PEAK1: variants seen among roughly 807,000 people sequenced by gnomAD.
PEAK1 encodes the protein inactive tyrosine-protein kinase PEAK1.
Under a neutral mutation model 124.7 loss-of-function variants are expected in PEAK1, and 54 were observed. That is an observed-to-expected ratio of 0.43 (90% CI 0.35 to 0.54). The LOEUF (loss-of-function observed/expected upper bound fraction) is 0.54, where lower values mean the gene tolerates loss of function less well. Ranked by LOEUF, PEAK1 falls within the 20% of genes least tolerant of loss-of-function variation. The pLI is 0.01. For missense variants in PEAK1, 2,046 were observed against 2,134.5 expected, an observed-to-expected ratio of 0.96 and a Z score of 0.82; for synonymous variants, 719 against 760.0, an observed-to-expected ratio of 0.95 and a Z score of 0.89.
At chr15:77,415,171 T>G (rs2072769088) in intron 1 of PEAK1, among the ~76,000 whole-genome samples, 1 of 152,246 alleles carries the variant, frequency 6.6e-6, no homozygotes. Flanking sequence ...GCTACAAATG[T>G]GAGGTCTACA....
At chr15:77,126,833 A>T (rs1281771800) in intron 9 of PEAK1, among the ~76,000 whole-genome samples, 1 of 152,240 alleles carries the variant, frequency 6.6e-6, no homozygotes, top group Admixed American at 6.5e-5. Flanking sequence ...TAATAAAGCT[A>T]ATCATGTTGA....
Position 77,112,373 on chromosome 15 carries a change from T to C in PEAK1, c.*1783A>G, listed in dbSNP as rs1489334440. ...AATTTCCAAGGCCACTAATGTGCTA[T>C]GTAAGTAATACTGCACAGTCAGTCT... On this transcript the variant is annotated 3_prime_UTR_variant, in exon 10 of 10. Coordinates refer to ENST00000682557, the MANE Select transcript of PEAK1 (RefSeq NM_001385026.1). 6.6e-6 allele frequency: 1 copy of C among 152,246 alleles called. No individual in the cohort carries two copies. The highest frequency in any genetic ancestry group is 2.4e-5 in the African/African-American group (1 of 41,472). The allele number at this position is 152,246 out of a possible 1,614,324, so 9.4% of individuals were successfully genotyped here.
chr15:77,115,408 A>C (rs775917954), intron 9 of PEAK1, 89 bp from the exon 10 acceptor site: 1 of 1,213,046 alleles, frequency 8.2e-7, no homozygotes, highest in Non-Finnish European at 1.2e-6. Context: ...GTGACTGGTT[A>C]GGGACAAACG....
chr15:77,162,705 T>C (rs1052950007), intron 7 of PEAK1, among the ~76,000 whole-genome samples: 39 of 152,158 alleles, frequency 2.6e-4, no homozygotes, highest in Admixed American at 1.3e-4. Flanking sequence ...TGTTTCTCTA[T>C]TGCTTTGATT....
intron 8 of PEAK1, among the ~76,000 whole-genome samples, chr15:77,153,312 A>C (rs1288601251): frequency 2.6e-5 from 4 of 152,130 alleles, no homozygotes; most frequent in Non-Finnish European, 5.9e-5. Context: ...GGTAGTTTGC[A>C]TTTCTGTGGG....
chr15:77,179,195 G>C lies in PEAK1; in HGVS notation c.2732C>G (p.Ser911Cys), dbSNP rs2057079221. The change falls in exon 7 of 10, where the codon TCT (serine) becomes TGT (cysteine). Residue 911 changes from serine (S) to cysteine (C), a missense_variant. Transcript: ENST00000682557. Reference sequence around the variant, plus strand: ...ATCAGCTGCCCGCCTGCTGCCTTCAGAGTGCAAAACTGATTCAGCTTCTGT... The same window carrying C: ...ATCAGCTGCCCGCCTGCTGCCTTCACAGTGCAAAACTGATTCAGCTTCTGT... ...RSTEAESVLH[S>C]EGSRRAADAK... 4 of 1,614,180 alleles carry C rather than the reference G, an allele frequency of 2.5e-6. No individual in the cohort carries two copies. The highest frequency in any genetic ancestry group is 3.4e-6 in the Non-Finnish European group (4 of 1,180,042).
chr15:77,397,114 T>A (rs901125170), intron 1 of PEAK1, among the ~76,000 whole-genome samples: 1 of 152,190 alleles, frequency 6.6e-6, no homozygotes, highest in African/African-American at 2.4e-5. Flanking sequence ...AAGTATCTTA[T>A]CTGACCACAA....
At chr15:77,272,772 C>T (rs558099300) in intron 5 of PEAK1, among the ~76,000 whole-genome samples, 139 of 150,652 alleles carry the variant, frequency 9.2e-4, no homozygotes, top group African/African-American at 3.2e-3. Flanking sequence ...AAGCCGGTAT[C>T]ACCCTAATAC....
chr15:77,336,476 G>A (rs1283677812), intron 2 of PEAK1: 3 of 985,352 alleles, frequency 3.0e-6, no homozygotes, highest in Non-Finnish European at 3.6e-6. Context: ...TAATTTGGCC[G>A]TTTGCTAATC....
chr15:77,165,074 T>G (rs1443087991), intron 7 of PEAK1, among the ~76,000 whole-genome samples: 5 of 152,146 alleles, frequency 3.3e-5, no homozygotes. Flanking sequence ...CTAAATTTTG[T>G]ATTTTTAGTA....
chr15:77,222,404 A>G (rs889774118), intron 6 of PEAK1, among the ~76,000 whole-genome samples: 1 of 152,040 alleles, frequency 6.6e-6, no homozygotes, highest in Non-Finnish European at 1.5e-5. Flanking sequence ...CAGACAGTAT[A>G]CTATCCAAGT....
At chr15:77,347,009 G>A (rs112691661) in intron 2 of PEAK1, among the ~76,000 whole-genome samples, 448 of 152,318 alleles carry the variant, frequency 2.9e-3, no homozygotes, top group Non-Finnish European at 5.3e-3. Flanking sequence ...TTGAAGAGGG[G>A]ACATTTAAGC....
chr15:77,420,455 A>G (rs2073284366), upstream of PEAK1: 1 of 157,266 alleles, frequency 6.4e-6, no homozygotes, highest in Non-Finnish European at 1.4e-5. Flanking sequence ...GCGTGAGGGA[A>G]AATTTGGGTT....
chr15:77,131,661 A>G (rs150537555), intron 9 of PEAK1, among the ~76,000 whole-genome samples: 73 of 152,358 alleles, frequency 4.8e-4, no homozygotes, highest in African/African-American at 1.6e-3. Context: ...TTACATAACA[A>G]AAATATAGTT....
At chr15:77,183,726 T>C (rs939133819) in intron 6 of PEAK1, among the ~76,000 whole-genome samples, 6 of 151,900 alleles carry the variant, frequency 3.9e-5, no homozygotes, top group Admixed American at 2.0e-4. Context: ...CAAAGGACTT[T>C]GTATTTGGAA....
chr15:77,232,899 C>A (rs532756628), intron 6 of PEAK1, among the ~76,000 whole-genome samples: 1 of 152,134 alleles, frequency 6.6e-6, no homozygotes, highest in African/African-American at 2.4e-5. Flanking sequence ...GCACCTGCCA[C>A]CACACCCGGC....
At chr15:77,118,085 A>G (rs2051558132) in intron 9 of PEAK1, among the ~76,000 whole-genome samples, 1 of 152,224 alleles carries the variant, frequency 6.6e-6, no homozygotes, top group Admixed American at 6.5e-5. Flanking sequence ...CTAGATAGAT[A>G]ACCTGAGTGG....
chr15:77,152,844 TG>T (rs1392982023), intron 8 of PEAK1, among the ~76,000 whole-genome samples: 1 of 152,188 alleles, frequency 6.6e-6, no homozygotes, highest in African/African-American at 2.4e-5. Flanking sequence ...GAAGCCCACT[TG>T]ATCATGGTGG....
rs142220597 is a variant in PEAK1 at position 77,258,343 on chromosome 15, T to C, written c.-274-5817A>G. Among the ~76,000 whole-genome samples the C allele has an allele frequency of 1.4e-4, 21 of 152,338 alleles. No homozygotes were observed. The South Asian group carries it at 4.3e-3, about 32-fold the overall frequency. ...AGTATGGCCTTTTTCATGATATTGATTCTTCCTACCCATGAGCGTGGAATG... is the reference window on the plus strand; with the variant it reads ...AGTATGGCCTTTTTCATGATATTGACTCTTCCTACCCATGAGCGTGGAATG... On this transcript the variant is annotated intron_variant, in intron 5 of 9. Transcript: ENST00000682557.
Sources: allele counts gnomAD v4.1 joint callset (sites outside exome capture counted in the v4.1 genomes callset), GRCh38; gene constraint gnomAD v4.1.1; transcripts MANE v1.5; gene names NCBI Gene and HGNC (gene_info 2026-07-23, HGNC 2026-07-21).